Variants in LAMA3 observed in about 807,000 individuals in gnomAD.
LAMA3 encodes laminin subunit alpha 3.
A neutral mutation model predicts 402.0 loss-of-function variants in LAMA3; 281 were observed. That is an observed-to-expected ratio of 0.70 (90% CI 0.63 to 0.77). The LOEUF (loss-of-function observed/expected upper bound fraction) is 0.77, where lower values mean the gene tolerates loss of function less well. LAMA3 is among the 30% of genes least tolerant of loss of function. The pLI, the probability that LAMA3 is intolerant of heterozygous loss-of-function variation, is 0.00. For synonymous variants in LAMA3, 1,431 were observed against 1,558.4 expected (o/e 0.92, Z 1.93); for missense variants, 3,840 against 4,215.5 (o/e 0.91, Z 2.47).
At chr18:23,856,757 G>A (rs1375210867) in intron 32 of LAMA3, among the ~76,000 whole-genome samples, 1 of 152,120 alleles carries the variant, frequency 6.6e-6, no homozygotes, top group African/African-American at 2.4e-5. Flanking sequence ...CCCAAGCAGG[G>A]AAATTGGGAG....
intron 23 of LAMA3, among the ~76,000 whole-genome samples, chr18:23,829,748 T>C (rs974298142): frequency 1.1e-4 from 16 of 152,340 alleles, no homozygotes; most frequent in Middle Eastern, 6.8e-3. Context: ...TTGTACCTAA[T>C]AGGTACTTTT....
chr18:23,818,139 A>G (rs1302180228), intron 18 of LAMA3, among the ~76,000 whole-genome samples: 2 of 152,192 alleles, frequency 1.3e-5, no homozygotes, highest in Non-Finnish European at 2.9e-5. Flanking sequence ...TGGGTGACAG[A>G]GTGAGACTCC....
intron 12 of LAMA3, among the ~76,000 whole-genome samples, chr18:23,807,429 C>T (rs941579875): frequency 2.0e-5 from 3 of 151,506 alleles, no homozygotes; most frequent in African/African-American, 7.3e-5. Flanking sequence ...TATCTAGTTA[C>T]CTATGTACAT....
At chr18:23,867,193 C>A (rs1330424095) in intron 36 of LAMA3, among the ~76,000 whole-genome samples, 1 of 152,194 alleles carries the variant, frequency 6.6e-6, no homozygotes, top group Non-Finnish European at 1.5e-5. Flanking sequence ...TTTCTTCCCA[C>A]CGCAGGCTGG....
intron 36 of LAMA3, among the ~76,000 whole-genome samples, chr18:23,865,790 T>C (rs2064341592): frequency 6.6e-6 from 1 of 152,150 alleles, no homozygotes; most frequent in Non-Finnish European, 1.5e-5. Context: ...CTAACAGGAC[T>C]CGGGGGTGGT....
At chr18:23,860,445 G>A (rs1203575365) in intron 34 of LAMA3, among the ~76,000 whole-genome samples, 2 of 150,976 alleles carry the variant, frequency 1.3e-5, no homozygotes, top group South Asian at 4.2e-4. Context: ...TTTTTGTAGA[G>A]TCAGGGTTTT....
At chr18:23,863,727 A>G (rs908221553) in intron 35 of LAMA3, among the ~76,000 whole-genome samples, 2 of 152,006 alleles carry the variant, frequency 1.3e-5, no homozygotes, top group African/African-American at 4.8e-5. Context: ...AGTTGTTGGC[A>G]TTTTCCTATA....
At chr18:23,729,675 A>C (rs2061358500) in intron 2 of LAMA3, among the ~76,000 whole-genome samples, 1 of 152,252 alleles carries the variant, frequency 6.6e-6, no homozygotes, top group South Asian at 2.1e-4. Context: ...CACATGCTAG[A>C]AATTGACCTA....
intron 12 of LAMA3, among the ~76,000 whole-genome samples, chr18:23,793,087 C>T (rs2062691929): frequency 6.6e-6 from 1 of 152,112 alleles, no homozygotes; most frequent in African/African-American, 2.4e-5. Flanking sequence ...AGCACTTCCA[C>T]ATTAAGGAAT....
At chr18:23,736,960 C>G (rs1269063000) in intron 2 of LAMA3, among the ~76,000 whole-genome samples, 1 of 152,170 alleles carries the variant, frequency 6.6e-6, no homozygotes. Context: ...CTGCATTCCC[C>G]TAGAAGTAGC....
chr18:23,807,271 G>T (rs1012076064), intron 12 of LAMA3, among the ~76,000 whole-genome samples: 1 of 152,138 alleles, frequency 6.6e-6, no homozygotes, highest in Non-Finnish European at 1.5e-5. Flanking sequence ...GAGGCCAGGA[G>T]TTTGAGACCA....
In LAMA3 at chr18:23,815,211, A is replaced by G; in HGVS notation, c.1912A>G (p.Thr638Ala). Reference protein sequence around the residue: ...CSECKCHKAGTVSGTGECRQG... With the variant: ...CSECKCHKAGAVSGTGECRQG... ...AGAATGCAAGTGCCATAAGGCGGGA[A>G]CAGTGAGTGGAACTGGAGAGTGTAG... The change falls in exon 16 of 75, where the codon ACA (threonine) becomes GCA (alanine). Residue 638 changes from threonine to alanine, a missense_variant. Thr to Ala is a moderately conservative substitution (Grantham distance 58). Around this residue, in one of 3 missense-constraint regions of LAMA3, gnomAD observed 2,109 missense variants for 2,376.0 expected, o/e 0.89. Coordinates refer to ENST00000313654, the MANE Select transcript of LAMA3 (RefSeq NM_198129.4). The G allele has an allele frequency of 6.2e-7, 1 of 1,614,160 alleles. No individual in the cohort carries two copies. The highest frequency in any genetic ancestry group is 8.5e-7 in the Non-Finnish European group (1 of 1,179,980).
chr18:23,690,804 TCTCGCACTGTCGCCGGGG>T (rs904944055), intron 1 of LAMA3, among the ~76,000 whole-genome samples: 5 of 146,890 alleles, frequency 3.4e-5, no homozygotes, highest in African/African-American at 1.3e-4. Context: ...TGAGACAGAG[TCTCGCACTGTCGCCGGGG>T]CTGAAATGCA....
Position 23,918,876 on chromosome 18 carries a change from G to T in LAMA3, c.7924-2059G>T, listed in dbSNP as rs996084957. ...GGTCCAACTCTCCTCTCTGGGGTTG[G>T]TCTGGACCCTTCAGGAGATTCCAAG... On this transcript the variant is annotated intron_variant, in intron 60 of 74. Coordinates refer to ENST00000313654, the MANE Select transcript of LAMA3 (RefSeq NM_198129.4). The surrounding 1 kb of genome is among the most constrained non-coding windows in gnomAD (Gnocchi z 4.1). Among the ~76,000 whole-genome samples the T allele has an allele frequency of 6.6e-6, 1 of 152,164 alleles. No homozygotes were observed. The highest frequency in any genetic ancestry group is 2.4e-5 in the African/African-American group (1 of 41,440).
chr18:23,726,406 G>A (rs184536667), intron 2 of LAMA3, among the ~76,000 whole-genome samples: 7 of 152,298 alleles, frequency 4.6e-5, no homozygotes, highest in Non-Finnish European at 8.8e-5. Flanking sequence ...CTGTGTGGAC[G>A]GCTGTTTTGT....
chr18:23,719,669 C>CT (rs61144348), intron 2 of LAMA3, among the ~76,000 whole-genome samples: 2,782 of 135,630 alleles, frequency 0.021, 59 homozygotes, highest in African/African-American at 0.063. Flanking sequence ...ATTCTAGAAT[C>CT]TTTTTTTTTT....
At chr18:23,736,842 C>T (rs552550179) in intron 2 of LAMA3, among the ~76,000 whole-genome samples, 8 of 152,234 alleles carry the variant, frequency 5.3e-5, no homozygotes, top group Middle Eastern at 3.4e-3. Flanking sequence ...GAAGACCTGT[C>T]ATTGTGTGGA....
At chr18:23,893,498 G>A (rs990632235) in intron 42 of LAMA3, among the ~76,000 whole-genome samples, 11 of 152,122 alleles carry the variant, frequency 7.2e-5, no homozygotes, top group African/African-American at 2.2e-4. Context: ...CAGGAGAATC[G>A]GTTGAATCTG....
At chr18:23,800,177 A>G (rs2062841998) in intron 12 of LAMA3, among the ~76,000 whole-genome samples, 1 of 152,224 alleles carries the variant, frequency 6.6e-6, no homozygotes, top group Non-Finnish European at 1.5e-5. Flanking sequence ...TTAATCGTCA[A>G]TAAAGAGTAT....
Sources: gnomAD v4.1 joint callset for allele counts (sites outside exome capture counted in the v4.1 genomes callset) on GRCh38, gnomAD v4.1.1 for gene constraint, gnomAD v4.1.1 regional missense constraint, Gnocchi (gnomAD v3.1) non-coding constraint, MANE v1.5 for transcripts, NCBI Gene and HGNC (gene_info 2026-07-23, HGNC 2026-07-21) for gene names.